Variants in GABBR2 observed in about 807,000 individuals in gnomAD.
The protein encoded by GABBR2 is gamma-aminobutyric acid type B receptor subunit 2.
GABBR2 carries 23 observed loss-of-function variants against 105.6 expected under a neutral mutation model. The ratio of observed to expected loss-of-function variants is 0.22; its 90% confidence interval spans 0.16 to 0.31. The LOEUF is 0.31. Among genes scored for constraint, GABBR2 ranks in the 10% least tolerant of loss-of-function variants. GABBR2 has a pLI of 1.00. For synonymous variants in GABBR2, 478 were observed against 499.7 expected (o/e 0.96, Z 0.58); for missense variants, 734 against 1,245.5 (o/e 0.59, Z 6.18).
At chr9:98,607,524 T>G in intron 1 of GABBR2, 1 of 598,410 alleles carries the variant, frequency 1.7e-6, no homozygotes, top group African/African-American at 1.9e-5. Flanking sequence ...AAGAAGAAAA[T>G]AAACTTGTTA....
Position 98,690,130 on chromosome 9 carries a change from C to T in GABBR2, c.321+18287G>A, listed in dbSNP as rs184433627. 3.3e-5 allele frequency among the ~76,000 whole-genome samples: 5 copies of T among 152,178 alleles called. No homozygotes were observed. In the East Asian group the frequency reaches 9.6e-4, roughly 29 times the overall value. On this transcript the variant is annotated intron_variant, in intron 1 of 18. Coordinates refer to ENST00000259455, the MANE Select transcript of GABBR2 (RefSeq NM_005458.8). The stretch of plus-strand genomic sequence containing the variant: ...ACAGCAGGGCTCTCATGGAAACACT[C>T]AGCAATCCCAGATATGCCTTTCTTA...
At chr9:98,353,859 C>T (rs1212007004) in intron 13 of GABBR2, among the ~76,000 whole-genome samples, 3 of 152,268 alleles carry the variant, frequency 2.0e-5, no homozygotes, top group Middle Eastern at 3.4e-3. Flanking sequence ...TAAATTCTCA[C>T]GAGATCTAAT....
chr9:98,493,147 G>A (rs1827212928), intron 4 of GABBR2, among the ~76,000 whole-genome samples: 1 of 152,044 alleles, frequency 6.6e-6, no homozygotes, highest in Non-Finnish European at 1.5e-5. Context: ...TTAATTTTTT[G>A]TGTTCAAATT....
intron 2 of GABBR2, among the ~76,000 whole-genome samples, chr9:98,560,607 A>G (rs989600697): frequency 5.3e-5 from 8 of 152,078 alleles, no homozygotes; most frequent in African/African-American, 1.9e-4. Flanking sequence ...ATTGTATAGC[A>G]TTCCTATAAA....
chr9:98,345,900 T>C (rs1027457327), intron 13 of GABBR2, among the ~76,000 whole-genome samples: 5 of 152,230 alleles, frequency 3.3e-5, no homozygotes, highest in African/African-American at 1.2e-4. Context: ...TTTCCCAGTG[T>C]ACATAAAAGT....
intron 1 of GABBR2, among the ~76,000 whole-genome samples, chr9:98,603,349 C>T (rs1829369622): frequency 6.6e-6 from 1 of 152,174 alleles, no homozygotes; most frequent in African/African-American, 2.4e-5. Context: ...ACTGTGTTTC[C>T]TCAATGGCCA....
At chr9:98,554,893 T>C (rs1355055135) in intron 2 of GABBR2, among the ~76,000 whole-genome samples, 2 of 152,186 alleles carry the variant, frequency 1.3e-5, no homozygotes, top group East Asian at 3.9e-4. Context: ...GAGAAAGCAG[T>C]GTGGCTCATA....
In GABBR2 at chr9:98,569,650, G is replaced by A. The variant is rs535505301; in HGVS notation, c.459+8285C>T. On this transcript the variant is annotated intron_variant, in intron 2 of 18. Coordinates refer to ENST00000259455, the MANE Select transcript of GABBR2 (RefSeq NM_005458.8). The stretch of plus-strand genomic sequence containing the variant: ...CCATGGCACATGCTGCAAAGTGCTG[G>A]AGGGTGAGCCACGGAGCCCAGTGTC... Among the ~76,000 whole-genome samples the A allele has an allele frequency of 2.6e-5, 4 of 152,334 alleles. No individual in the cohort carries two copies. In the East Asian group the frequency reaches 7.7e-4, roughly 29 times the overall value.
At chr9:98,375,569 C>A (rs1242693997) in intron 11 of GABBR2, among the ~76,000 whole-genome samples, 1 of 152,144 alleles carries the variant, frequency 6.6e-6, no homozygotes, top group Non-Finnish European at 1.5e-5. Context: ...TCTTTGTCAC[C>A]ACAGATGTGC....
intron 3 of GABBR2, among the ~76,000 whole-genome samples, chr9:98,537,395 T>A (rs1828203097): frequency 6.6e-6 from 1 of 152,158 alleles, no homozygotes; most frequent in Non-Finnish European, 1.5e-5. Context: ...CACATGGGAA[T>A]TTTTAGAGTG....
At chr9:98,507,089 C>T (rs577309446) in intron 3 of GABBR2, among the ~76,000 whole-genome samples, 8 of 152,264 alleles carry the variant, frequency 5.3e-5, no homozygotes, top group Admixed American at 3.9e-4. Context: ...ATCCCTCTTT[C>T]GATCAGCCAG....
chr9:98,540,412 G>A (rs1016758209), intron 3 of GABBR2, among the ~76,000 whole-genome samples: 2 of 152,316 alleles, frequency 1.3e-5, no homozygotes, highest in Admixed American at 1.3e-4. Flanking sequence ...GGGAGGAATC[G>A]AAGCTCAGAG....
At chr9:98,620,932 C>A (rs978300563) in intron 1 of GABBR2, among the ~76,000 whole-genome samples, 1 of 152,096 alleles carries the variant, frequency 6.6e-6, no homozygotes, top group Non-Finnish European at 1.5e-5. Context: ...TTGTGCCTAC[C>A]TCCTAAAGCC....
intron 4 of GABBR2, among the ~76,000 whole-genome samples, chr9:98,485,259 C>A (rs1038796257): frequency 4.0e-5 from 6 of 151,896 alleles, no homozygotes; most frequent in Non-Finnish European, 8.8e-5. Flanking sequence ...AAGAAAGGGG[C>A]AAAAGTGGAA....
intron 17 of GABBR2, among the ~76,000 whole-genome samples, chr9:98,297,224 T>C (rs11794230): frequency 0.15 from 22,394 of 152,172 alleles, 2,207 homozygotes; most frequent in Non-Finnish European, 0.21. Flanking sequence ...AATTTCCTTG[T>C]TATCTCAATT....
chr9:98,578,034 T>C lies in GABBR2; in HGVS notation c.360A>G (p.Ala120=), dbSNP rs3750344. 0.17 allele frequency: 273,713 copies of C among 1,613,340 alleles called. 24,329 individuals are homozygous for C. Among genetic ancestry groups the C allele is most frequent in the African/African-American group, 0.24 (17,695 of 74,980 alleles). Residue 120 remains alanine (A), a synonymous_variant, in exon 2 of 19, where the codon GCA becomes GCG. Coordinates refer to ENST00000259455, the MANE Select transcript of GABBR2 (RefSeq NM_005458.8). ...NAKGLKAFYD[A]IKYGPNHLMV... ...TCAAGTGGTTAGGCCCGTATTTTAT[T>C]GCATCGTAGAAGGCTTTCAACCCTT...
intron 7 of GABBR2, among the ~76,000 whole-genome samples, chr9:98,419,323 G>A (rs184950717): frequency 6.6e-6 from 1 of 152,322 alleles, no homozygotes; most frequent in Admixed American, 6.5e-5. Flanking sequence ...GTCTCCTAGG[G>A]TGTAAGGAGA....
In GABBR2 at chr9:98,352,798, C is replaced by T. The variant is rs115281256; in HGVS notation, c.1893+9917G>A. 6.0e-3 allele frequency among the ~76,000 whole-genome samples: 913 copies of T among 152,084 alleles called. 8 individuals are homozygous for T. The highest frequency in any genetic ancestry group is 0.02 in the African/African-American group (831 of 41,464). ...CATTGATGTTCTCTGGGGCATAGGA[C>T]GCTGTGTGGGCTAGAGTCCTGGGGA... On this transcript the variant is annotated intron_variant, in intron 13 of 18. Transcript: ENST00000259455.
rs1180458479 is a variant in GABBR2, at chr9:98,629,195, G to A, written c.322-51123C>T. 2.0e-5 allele frequency among the ~76,000 whole-genome samples: 3 copies of A among 152,160 alleles called. No individual in the cohort carries two copies. In the East Asian group the frequency reaches 5.8e-4, roughly 29 times the overall value. Reference sequence around the variant, plus strand: ...GAATTCATTTGTACTTAATATTGATGTATTTTTGGATATGCTCAAAAATGA... The same window carrying A: ...GAATTCATTTGTACTTAATATTGATATATTTTTGGATATGCTCAAAAATGA... On this transcript the variant is annotated intron_variant, in intron 1 of 18. Coordinates refer to ENST00000259455, the MANE Select transcript of GABBR2 (RefSeq NM_005458.8).
Sources: allele counts gnomAD v4.1 joint callset (sites outside exome capture counted in the v4.1 genomes callset), GRCh38; gene constraint gnomAD v4.1.1; transcripts MANE v1.5; gene names NCBI Gene and HGNC (gene_info 2026-07-23, HGNC 2026-07-21).